The following CADPS2 variants were observed in gnomAD, a reference collection of about 807,000 sequenced individuals.
CADPS2 encodes calcium-dependent secretion activator 2.
In CADPS2, 93 loss-of-function variants were observed where a neutral mutation model predicts 172.5. That is an observed-to-expected ratio of 0.54 (90% CI 0.46 to 0.64). The LOEUF is 0.64. Among genes scored for constraint, CADPS2 ranks in the 30% least tolerant of loss-of-function variants. The pLI is 0.00. For missense variants in CADPS2, 1,420 were observed against 1,565.9 expected (o/e 0.91, Z 1.57); for synonymous variants, 546 against 555.2 (o/e 0.98, Z 0.23).
intron 6 of CADPS2, among the ~76,000 whole-genome samples, chr7:122,589,256 T>C (rs1369006912): frequency 1.3e-5 from 2 of 151,986 alleles, no homozygotes; most frequent in African/African-American, 4.8e-5. Context: ...TCCTTTTAAT[T>C]GAATAATGTA....
At chr7:122,851,911 T>G (rs533615521) in intron 1 of CADPS2, among the ~76,000 whole-genome samples, 1 of 152,250 alleles carries the variant, frequency 6.6e-6, no homozygotes, top group South Asian at 2.1e-4. Flanking sequence ...CCTTACTGTA[T>G]AGACTATTTA....
chr7:122,741,780 GA>G (rs2092489942), intron 1 of CADPS2, among the ~76,000 whole-genome samples: 3 of 152,200 alleles, frequency 2.0e-5, no homozygotes, highest in Middle Eastern at 3.4e-3. Flanking sequence ...TATAAAAATT[GA>G]AATCAGTGTC....
In CADPS2 at chr7:122,438,430, G is replaced by C. The variant is rs2050929618; in HGVS notation, c.2387C>G (p.Ala796Gly). ...LMKDIATPIP[A>G]EEVKKVVRKC... ...TCTGACCACTTTCTTCACCTCTTCT[G>C]CTGGTATGGGAGTGGCAATATCTTT... The change falls in exon 17 of 30, where the codon GCA becomes GGA. Residue 796 changes from alanine (A) to glycine (G), a missense_variant. Transcript: ENST00000449022. The C allele has an allele frequency of 1.2e-6, 2 of 1,613,028 alleles. No individual in the cohort carries two copies. Among genetic ancestry groups the C allele is most frequent in the East Asian group, 4.5e-5 (2 of 44,828 alleles).
chr7:122,540,447 T>G (rs754182543), intron 8 of CADPS2, among the ~76,000 whole-genome samples: 2 of 152,132 alleles, frequency 1.3e-5, no homozygotes, highest in Non-Finnish European at 2.9e-5. Flanking sequence ...TTCTTAACCA[T>G]AGATCATTTT....
At chr7:122,779,223 A>G (rs921855214) in intron 1 of CADPS2, among the ~76,000 whole-genome samples, 7 of 152,178 alleles carry the variant, frequency 4.6e-5, no homozygotes, top group Non-Finnish European at 4.4e-5. Context: ...GGACTAATAC[A>G]CCAACCAACC....
intron 1 of CADPS2, among the ~76,000 whole-genome samples, chr7:122,763,238 C>CA (rs2093447100): frequency 6.6e-6 from 1 of 152,000 alleles, no homozygotes; most frequent in African/African-American, 2.4e-5. Flanking sequence ...TTTGGATGTG[C>CA]ATAATATAAA....
chr7:122,420,897 A>G (rs2048459903), intron 17 of CADPS2: 1 of 152,240 alleles, frequency 6.6e-6, no homozygotes, highest in African/African-American at 2.4e-5. Context: ...ATTTAAGAAG[A>G]GATCCTACTG....
chr7:122,531,595 T>A (rs1461268767), intron 8 of CADPS2, among the ~76,000 whole-genome samples: 1 of 152,186 alleles, frequency 6.6e-6, no homozygotes, highest in African/African-American at 2.4e-5. Flanking sequence ...CTCAGTTGAG[T>A]CTCAATCAGT....
At chr7:122,513,730 G>A (rs183637262) in intron 8 of CADPS2, among the ~76,000 whole-genome samples, 101 of 152,308 alleles carry the variant, frequency 6.6e-4, no homozygotes, top group African/African-American at 2.3e-3. Flanking sequence ...GCAGAGCCAA[G>A]AATCCAGGGT....
chr7:122,872,278 C>T (rs927935517), intron 1 of CADPS2, among the ~76,000 whole-genome samples: 2 of 152,076 alleles, frequency 1.3e-5, no homozygotes, highest in East Asian at 3.9e-4. Context: ...CAGTGTTGCA[C>T]AATTTAATCA....
At chr7:122,378,312 TA>T (rs1445821713) in intron 25 of CADPS2, among the ~76,000 whole-genome samples, 1 of 152,184 alleles carries the variant, frequency 6.6e-6, no homozygotes, top group East Asian at 1.9e-4. Flanking sequence ...GTACTTGATG[TA>T]TTTCCAAACT....
intron 9 of CADPS2, among the ~76,000 whole-genome samples, chr7:122,491,764 T>C (rs1266123357): frequency 2.0e-5 from 3 of 152,204 alleles, no homozygotes; most frequent in Non-Finnish European, 2.9e-5. Flanking sequence ...TTTCACTTCA[T>C]GGTTTCTTAC....
At chr7:122,529,110 G>T (rs1025340339) in intron 8 of CADPS2, among the ~76,000 whole-genome samples, 1 of 152,002 alleles carries the variant, frequency 6.6e-6, no homozygotes, top group African/African-American at 2.4e-5. Context: ...GAATTACAAT[G>T]CCATGTCCAA....
In CADPS2 at chr7:122,623,040, T is replaced by A. The variant is rs2134026344; in HGVS notation, c.868-1323A>T. 1.3e-5 allele frequency among the ~76,000 whole-genome samples: 2 copies of A among 152,296 alleles called. 1 individual carries two copies. Among genetic ancestry groups the A allele is most frequent in the South Asian group, 4.1e-4 (2 of 4,824 alleles). On this transcript the variant is annotated intron_variant, in intron 4 of 29. Transcript: ENST00000449022. The stretch of plus-strand genomic sequence containing the variant: ...ATATTTCTTTTTAAAATAATTTACA[T>A]ATAATCAAAATTAAAATTGCATAAT...
In CADPS2 at chr7:122,853,974, G is replaced by C. The variant is rs185989394; in HGVS notation, c.339+32025C>G. On this transcript the variant is annotated intron_variant, in intron 1 of 29. Coordinates refer to ENST00000449022, the MANE Select transcript of CADPS2 (RefSeq NM_017954.11). ...GTCCCTGATAGAAAACGCCAGCCCTGTCCTTCCTTCAAAGAGCCTACAGCA... is the reference window on the plus strand; with the variant it reads ...GTCCCTGATAGAAAACGCCAGCCCTCTCCTTCCTTCAAAGAGCCTACAGCA... 5.7e-3 allele frequency among the ~76,000 whole-genome samples: 873 copies of C among 152,282 alleles called. 6 individuals are homozygous for C. Among genetic ancestry groups the C allele is most frequent in the African/African-American group, 0.02 (842 of 41,546 alleles).
intron 19 of CADPS2, among the ~76,000 whole-genome samples, chr7:122,411,182 T>A (rs2047261704): frequency 6.6e-6 from 1 of 152,056 alleles, no homozygotes; most frequent in African/African-American, 2.4e-5. Flanking sequence ...GATTTCTTTA[T>A]ATCTTTTCTA....
At chr7:122,364,167 T>C (rs1029098829) in intron 25 of CADPS2, among the ~76,000 whole-genome samples, 6 of 151,972 alleles carry the variant, frequency 3.9e-5, no homozygotes, top group African/African-American at 9.7e-5. Context: ...TCCCAGCACT[T>C]TGGGAAGCCA....
chr7:122,513,263 A>C lies in CADPS2; in HGVS notation c.1528T>G (p.Phe510Val). The C allele has an allele frequency of 6.4e-7, 1 of 1,561,172 alleles. No homozygotes were observed. Among genetic ancestry groups the C allele is most frequent in the Non-Finnish European group, 8.7e-7 (1 of 1,151,168 alleles). The change falls in exon 9 of 30, where the codon TTT (phenylalanine) becomes GTT (valine). Residue 510 changes from phenylalanine (F) to valine (V), a missense_variant. By Grantham distance (50) the Phe-to-Val change is conservative. Transcript: ENST00000449022. Reference protein sequence around the residue: ...KVWKRWKKRYFVLVQVSQYTF... With the variant: ...KVWKRWKKRYVVLVQVSQYTF... ...AAATGACTAACCTGAACTAGAACAA[A>C]GTAACGTTTTTTCCATCTTTTCCAA...
At chr7:122,379,575 A>G in intron 24 of CADPS2, 133 bp from the exon 25 acceptor site, 1 of 664,162 alleles carries the variant, frequency 1.5e-6, no homozygotes, top group Middle Eastern at 4.0e-4. Flanking sequence ...CATTAAAAGA[A>G]CAAAACCTTG....
Sources: gnomAD v4.1 joint callset for allele counts (sites outside exome capture counted in the v4.1 genomes callset) on GRCh38, gnomAD v4.1.1 for gene constraint, MANE v1.5 for transcripts, NCBI Gene and HGNC (gene_info 2026-07-23, HGNC 2026-07-21) for gene names.